Variants in DGKB observed in about 807,000 individuals in gnomAD.
DGKB encodes 90 kDa diacylglycerol kinase.
Under a neutral mutation model 114.3 loss-of-function variants are expected in DGKB, and 67 were observed. That is an observed-to-expected ratio of 0.59 (90% CI 0.48 to 0.72). DGKB has a LOEUF of 0.72. Among genes scored for constraint, DGKB ranks in the 30% least tolerant of loss-of-function variants. The pLI, the probability that DGKB is intolerant of heterozygous loss-of-function variation, is 0.00. For missense variants in DGKB, 907 were observed against 975.2 expected (o/e 0.93, Z 0.93); for synonymous variants, 398 against 323.1 (o/e 1.23, Z -2.49).
intron 1 of DGKB, among the ~76,000 whole-genome samples, chr7:14,955,127 A>T (rs11974823): frequency 6.5e-4 from 99 of 152,196 alleles, no homozygotes; most frequent in African/African-American, 2.2e-3. Context: ...ACTATAAAAA[A>T]ATTGCTGAGA....
rs1208496009 is a variant in DGKB, at chr7:14,159,268, G to T, written c.2305-10030C>A. Among the ~76,000 whole-genome samples, 3 of 151,948 alleles carry T rather than the reference G, an allele frequency of 2.0e-5. No individual in the cohort carries two copies. The South Asian group carries it at 6.2e-4, about 31-fold the overall frequency. On this transcript the variant is annotated intron_variant, in intron 25 of 25. Coordinates refer to ENST00000402815, the MANE Select transcript of DGKB (RefSeq NM_001350709.2). ...CTTCCCACACTGTACTGTTTTCTCT[G>T]CATAAGACACTCTTCCCTCTCTTTG...
At chr7:14,524,662 G>A (rs779514285) in intron 20 of DGKB, among the ~76,000 whole-genome samples, 7 of 151,360 alleles carry the variant, frequency 4.6e-5, no homozygotes, top group East Asian at 2.0e-4. Context: ...AGGCTGAGGT[G>A]GTAGAATCTC....
At chr7:14,568,635 G>C (rs776873779) in intron 20 of DGKB, among the ~76,000 whole-genome samples, 15 of 152,198 alleles carry the variant, frequency 9.9e-5, no homozygotes, top group Non-Finnish European at 1.9e-4. Context: ...CCTGTCACGT[G>C]AGGAAAAACT....
chr7:14,457,553 C>T (rs945934665), intron 21 of DGKB, among the ~76,000 whole-genome samples: 1 of 152,138 alleles, frequency 6.6e-6, no homozygotes, highest in African/African-American at 2.4e-5. Context: ...ATCTCAGTTC[C>T]AACTAGCAAA....
chr7:14,908,123 C>G (rs1297548580), upstream of DGKB, among the ~76,000 whole-genome samples: 2 of 152,124 alleles, frequency 1.3e-5, no homozygotes, highest in Non-Finnish European at 2.9e-5. Flanking sequence ...ACACAGTGTT[C>G]CTGAAAATGT....
chr7:14,208,073 G>A (rs1306039210), intron 23 of DGKB, among the ~76,000 whole-genome samples: 1 of 151,974 alleles, frequency 6.6e-6, no homozygotes, highest in Non-Finnish European at 1.5e-5. Flanking sequence ...GGTCCAGATT[G>A]TTGCTCCTTA....
chr7:14,372,611 GAT>G (rs1237352828), intron 21 of DGKB, among the ~76,000 whole-genome samples: 1 of 151,970 alleles, frequency 6.6e-6, no homozygotes, highest in African/African-American at 2.4e-5. Context: ...CATTATGAGA[GAT>G]GTGTATAACA....
At chr7:14,537,721 C>T (rs972603892) in intron 20 of DGKB, among the ~76,000 whole-genome samples, 1 of 152,150 alleles carries the variant, frequency 6.6e-6, no homozygotes, top group Non-Finnish European at 1.5e-5. Context: ...ACCTTGTTAA[C>T]ATTGATCTTG....
intron 23 of DGKB, among the ~76,000 whole-genome samples, chr7:14,255,806 C>T (rs1264490283): frequency 4.0e-5 from 6 of 150,672 alleles, no homozygotes; most frequent in African/African-American, 1.5e-4. Flanking sequence ...CTTTTTTCTT[C>T]ACTTTCTCAC....
rs116949330 is a variant in DGKB, at chr7:14,426,745, C to G, written c.1835+51416G>C. 8.0e-3 allele frequency among the ~76,000 whole-genome samples: 1,215 copies of G among 152,110 alleles called. 15 individuals are homozygous for G. The highest frequency in any genetic ancestry group is 0.026 in the African/African-American group (1,063 of 41,510). The stretch of plus-strand genomic sequence containing the variant: ...GAATTTGTGTACTTAGTTCCACTGA[C>G]TCTGTATTATTAAGAAATTCCACTA... On this transcript the variant is annotated intron_variant, in intron 21 of 25. Transcript: ENST00000402815.
intron 23 of DGKB, among the ~76,000 whole-genome samples, chr7:14,187,289 G>A (rs1189693013): frequency 6.6e-6 from 1 of 152,086 alleles, no homozygotes; most frequent in Non-Finnish European, 1.5e-5. Context: ...CCCAACATCT[G>A]GTTCAGCAGC....
At chr7:14,336,841 A>G (rs1446834170) in intron 23 of DGKB, among the ~76,000 whole-genome samples, 1 of 152,172 alleles carries the variant, frequency 6.6e-6, no homozygotes, top group Admixed American at 6.5e-5. Flanking sequence ...GAGATGTTCA[A>G]CAACCCAGTG....
chr7:14,533,781 G>T (rs1791982130), intron 20 of DGKB, among the ~76,000 whole-genome samples: 2 of 151,832 alleles, frequency 1.3e-5, no homozygotes, highest in Admixed American at 6.6e-5. Context: ...TCAAAGTACT[G>T]AAAGCAAAAA....
At chr7:14,675,170 T>G (rs1367384350) in intron 12 of DGKB, among the ~76,000 whole-genome samples, 1 of 152,096 alleles carries the variant, frequency 6.6e-6, no homozygotes, top group African/African-American at 2.4e-5. Context: ...AAGAAAGTGT[T>G]GAAATATTAT....
At position 14,701,692 on chromosome 7, in the gene DGKB, G is replaced by A. The variant is rs1278707096; in HGVS notation, c.505C>T (p.Leu169=). ...RLYDTDGNGF[L]DSSELENIIS... The stretch of plus-strand genomic sequence containing the variant: ...AAGAAAAAAATTACCGAGCTGTCCA[G>A]GAAGCCATTCCCATCCGTGTCATAA... Residue 169 remains leucine, a synonymous_variant, in exon 7 of 26, where the codon CTG becomes TTG. Coordinates refer to ENST00000402815, the MANE Select transcript of DGKB (RefSeq NM_001350709.2). 2 of 1,611,762 alleles carry A rather than the reference G, an allele frequency of 1.2e-6. No individual in the cohort carries two copies. Among genetic ancestry groups the A allele is most frequent in the African/African-American group, 1.3e-5 (1 of 74,848 alleles).
At chr7:14,957,663 G>C (rs140075175) in intron 1 of DGKB, among the ~76,000 whole-genome samples, 1 of 151,852 alleles carries the variant, frequency 6.6e-6, no homozygotes, top group African/African-American at 2.4e-5. Flanking sequence ...TTTCATATAA[G>C]ACTGCCACAA....
chr7:14,685,162 T>C (rs1821465296), intron 10 of DGKB, 83 bp downstream of exon 10: 9 of 860,168 alleles, frequency 1.0e-5, no homozygotes, highest in Non-Finnish European at 1.4e-5. Context: ...ATCTTAGGTC[T>C]CCATTTACAA....
At chr7:14,798,953 C>T (rs1841782150) in intron 2 of DGKB, among the ~76,000 whole-genome samples, 1 of 152,212 alleles carries the variant, frequency 6.6e-6, no homozygotes, top group African/African-American at 2.4e-5. Flanking sequence ...AATACTGCGT[C>T]CCTGAGGGAT....
intron 2 of DGKB, among the ~76,000 whole-genome samples, chr7:14,770,813 T>G (rs950449552): frequency 6.6e-6 from 1 of 152,054 alleles, no homozygotes; most frequent in Non-Finnish European, 1.5e-5. Flanking sequence ...CCATGACAAC[T>G]GTTTTAGCAC....
Sources: gnomAD v4.1 joint callset for allele counts (sites outside exome capture counted in the v4.1 genomes callset) on GRCh38, gnomAD v4.1.1 for gene constraint, MANE v1.5 for transcripts, NCBI Gene and HGNC (gene_info 2026-07-23, HGNC 2026-07-21) for gene names.